The following PLEKHM3 variants were observed in gnomAD, a reference collection of about 807,000 sequenced individuals.
PLEKHM3 encodes the protein pleckstrin homology domain containing M3, also known as pleckstrin homology domain-containing family M member 3.
A neutral mutation model predicts 81.8 loss-of-function variants in PLEKHM3; 45 were observed. That is an observed-to-expected ratio of 0.55 (90% CI 0.43 to 0.71). The LOEUF (loss-of-function observed/expected upper bound fraction) is 0.71. PLEKHM3 is among the 30% of genes least tolerant of loss of function. The pLI is 0.00. For synonymous variants in PLEKHM3, 352 were observed against 356.4 expected (o/e 0.99, Z 0.14); for missense variants, 788 against 924.3 (o/e 0.85, Z 1.91).
intron 1 of PLEKHM3, among the ~76,000 whole-genome samples, chr2:208,015,958 C>A (rs923703183): frequency 9.9e-5 from 15 of 152,046 alleles, no homozygotes; most frequent in African/African-American, 3.6e-4. Context: ...CTTTGGGAGG[C>A]CGAGGCAGGT....
At chr2:207,833,624 G>GTGCATCA (rs2092301095) in intron 7 of PLEKHM3, among the ~76,000 whole-genome samples, 2 of 152,134 alleles carry the variant, frequency 1.3e-5, no homozygotes, top group South Asian at 4.1e-4. Context: ...CATAGGATGT[G>GTGCATCA]TAGCAGCATC....
In PLEKHM3 at chr2:207,837,419, G is replaced by A. The variant is rs566105157; in HGVS notation, c.2109-8923C>T. 6.0e-4 allele frequency among the ~76,000 whole-genome samples: 91 copies of A among 152,058 alleles called. 1 individual carries two copies. Among genetic ancestry groups the A allele is most frequent in the African/African-American group, 2.1e-3 (87 of 41,514 alleles). On this transcript the variant is annotated intron_variant, in intron 7 of 7. Coordinates refer to ENST00000427836, the MANE Select transcript of PLEKHM3 (RefSeq NM_001080475.3). ...AGTTTGAGACCAGCCTGGCCAACAC[G>A]GTGAAACCCCGTGTCTACTAAAAAT... is the stretch of plus-strand genomic sequence containing the variant.
intron 6 of PLEKHM3, among the ~76,000 whole-genome samples, chr2:207,868,358 T>C (rs1393899133): frequency 6.6e-6 from 1 of 152,138 alleles, no homozygotes; most frequent in African/African-American, 2.4e-5. Context: ...GTGGACTCAT[T>C]AGGGAGTCTC....
intron 7 of PLEKHM3, among the ~76,000 whole-genome samples, chr2:207,833,483 T>C (rs534484656): frequency 2.6e-5 from 4 of 152,044 alleles, no homozygotes; most frequent in Admixed American, 6.5e-5. Context: ...AGTCATCCAA[T>C]GGGTTTTTCT....
At chr2:207,996,078 T>C (rs1692110881) in intron 2 of PLEKHM3, among the ~76,000 whole-genome samples, 1 of 152,228 alleles carries the variant, frequency 6.6e-6, no homozygotes, top group Non-Finnish European at 1.5e-5. Flanking sequence ...ATTGTGCCTA[T>C]GCAACTCAGG....
chr2:208,006,116 C>A (rs891494155), intron 1 of PLEKHM3, among the ~76,000 whole-genome samples: 3 of 152,328 alleles, frequency 2.0e-5, no homozygotes, highest in African/African-American at 7.2e-5. Context: ...TACTTATCTT[C>A]CTAAATACTC....
chr2:207,982,954 A>G (rs569842781), intron 2 of PLEKHM3, among the ~76,000 whole-genome samples: 1 of 152,318 alleles, frequency 6.6e-6, no homozygotes, highest in South Asian at 2.1e-4. Context: ...TATAACATAC[A>G]AAATATGTGT....
chr2:207,966,375 C>T (rs1690907886), intron 3 of PLEKHM3, among the ~76,000 whole-genome samples: 1 of 152,200 alleles, frequency 6.6e-6, no homozygotes, highest in Non-Finnish European at 1.5e-5. Flanking sequence ...ATCCACTCTG[C>T]ATATTTTTGT....
At chr2:207,855,565 AAG>A (rs1341359057) in intron 7 of PLEKHM3, among the ~76,000 whole-genome samples, 1 of 152,194 alleles carries the variant, frequency 6.6e-6, no homozygotes, top group Non-Finnish European at 1.5e-5. Flanking sequence ...ACAGCATGGA[AAG>A]AGGGGGAGGA....
At chr2:207,982,252 C>G (rs576277928) in intron 2 of PLEKHM3, among the ~76,000 whole-genome samples, 9 of 134,738 alleles carry the variant, frequency 6.7e-5, no homozygotes, top group African/African-American at 1.6e-4. Context: ...TCGCTCCCCC[C>G]CTCCCTCGCT....
intron 1 of PLEKHM3, among the ~76,000 whole-genome samples, chr2:208,014,165 T>G (rs1692797496): frequency 6.6e-6 from 1 of 152,060 alleles, no homozygotes; most frequent in South Asian, 2.1e-4. Flanking sequence ...ACCAATTTAG[T>G]CAGGAAACAA....
rs1416530689 is a variant in PLEKHM3 at position 207,902,099 on chromosome 2, G to A, written c.1950+6415C>T. Among the ~76,000 whole-genome samples, 4 of 152,330 alleles carry A rather than the reference G, an allele frequency of 2.6e-5. No homozygotes were observed. In the East Asian group the frequency reaches 7.7e-4, roughly 29 times the overall value. On this transcript the variant is annotated intron_variant, in intron 6 of 7. Coordinates refer to ENST00000427836, the MANE Select transcript of PLEKHM3 (RefSeq NM_001080475.3). ...AGTTCCTTGGGCTCCTGAGGCTTGGGACTGGTGACTCGGTTGTGGGCACTG... is the reference window on the plus strand; with the variant it reads ...AGTTCCTTGGGCTCCTGAGGCTTGGAACTGGTGACTCGGTTGTGGGCACTG...
chr2:207,856,474 C>T (rs1006046861), intron 7 of PLEKHM3, among the ~76,000 whole-genome samples: 2 of 152,194 alleles, frequency 1.3e-5, no homozygotes, highest in Admixed American at 1.3e-4. Context: ...CTAGGCATCC[C>T]TTCCCAGCCA....
chr2:208,002,858 C>T (rs1692357008), intron 1 of PLEKHM3, among the ~76,000 whole-genome samples: 1 of 151,802 alleles, frequency 6.6e-6, no homozygotes, highest in South Asian at 2.1e-4. Flanking sequence ...GTTCCTCAGT[C>T]ACACTAGTCA....
intron 6 of PLEKHM3, among the ~76,000 whole-genome samples, chr2:207,902,803 C>T (rs1031960197): frequency 2.4e-4 from 36 of 150,888 alleles, no homozygotes; most frequent in Non-Finnish European, 4.1e-4. Context: ...TACATATACA[C>T]CCTGTCACCC....
intron 5 of PLEKHM3, among the ~76,000 whole-genome samples, chr2:207,918,521 CAACAAACAAACAAACAAACAAAAAACA>C (rs1435213194): frequency 6.6e-6 from 1 of 151,480 alleles, no homozygotes; most frequent in East Asian, 1.9e-4. Flanking sequence ...GACTCTGTCT[CAACAAACAAACAAACAAACAAAAAACA>C]AACAAACAAA....
intron 7 of PLEKHM3, among the ~76,000 whole-genome samples, chr2:207,834,962 C>T (rs1275625579): frequency 1.2e-4 from 17 of 145,354 alleles, no homozygotes; most frequent in Non-Finnish European, 2.1e-4. Flanking sequence ...TTTTTTGAGA[C>T]GGAGTTTCAC....
intron 1 of PLEKHM3, among the ~76,000 whole-genome samples, chr2:208,019,315 C>G (rs1449318923): frequency 6.6e-6 from 1 of 152,026 alleles, no homozygotes; most frequent in Non-Finnish European, 1.5e-5. Context: ...GAAAACAAAA[C>G]CAAACCTGGA....
intron 7 of PLEKHM3, chr2:207,851,882 C>T (rs541876138): frequency 2.0e-5 from 3 of 152,120 alleles, no homozygotes; most frequent in East Asian, 3.9e-4. Flanking sequence ...AATTTAGGCA[C>T]ATCCTCAGCT....
Sources: allele counts gnomAD v4.1 joint callset (sites outside exome capture counted in the v4.1 genomes callset), GRCh38; gene constraint gnomAD v4.1.1; transcripts MANE v1.5; gene names NCBI Gene and HGNC (gene_info 2026-07-23, HGNC 2026-07-21).